Variants in FLT4 observed in about 807,000 individuals in gnomAD.
FLT4 encodes fms related receptor tyrosine kinase 4, also known as vascular endothelial growth factor receptor 3.
A neutral mutation model predicts 163.2 loss-of-function variants in FLT4; 30 were observed. The observed-to-expected ratio is 0.18, with a 90% confidence interval of 0.14 to 0.25. The LOEUF is 0.25. Among genes scored for constraint, FLT4 ranks in the 10% least tolerant of loss-of-function variants. FLT4 has a pLI of 1.00. For missense variants in FLT4, 1,510 were observed against 1,863.8 expected (o/e 0.81, Z 3.50); for synonymous variants, 884 against 789.5 (o/e 1.12, Z -2.01).
intron 29 of FLT4, among the ~76,000 whole-genome samples, chr5:180,604,667 GCTCA>G (rs1293464090): frequency 6.6e-6 from 1 of 152,126 alleles, no homozygotes; most frequent in East Asian, 1.9e-4. Flanking sequence ...ATCCTCAAGC[GCTCA>G]CTTTCTTTGC....
At chr5:180,622,554 G>A (rs1246556691) in intron 12 of FLT4, among the ~76,000 whole-genome samples, 177 bp downstream of exon 12, 1 of 152,142 alleles carries the variant, frequency 6.6e-6, no homozygotes, top group African/African-American at 2.4e-5. Context: ...TTCCATCCCA[G>A]TGCGCCAGCA....
intron 19 of FLT4, 37 bp downstream of exon 19, chr5:180,619,216 G>A (rs1323798078): frequency 2.7e-6 from 4 of 1,499,506 alleles, no homozygotes; most frequent in African/African-American, 1.4e-5. Context: ...CCCCGCGCCC[G>A]GGGTCTCGCC....
rs747401546 is a variant in FLT4, at chr5:180,624,059, C to T, written c.1424G>A (p.Arg475Gln). 2.7e-5 allele frequency: 44 copies of T among 1,611,756 alleles called. No individual in the cohort carries two copies. The highest frequency in any genetic ancestry group is 7.7e-5 in the South Asian group (7 of 91,082). The change falls in exon 11 of 30, where the codon CGG (arginine) becomes CAG (glutamine). Residue 475 changes from arginine (R) to glutamine (Q), a missense_variant and splice_region_variant. This residue lies in a region of FLT4 where 878 missense variants were observed against 1,016.7 expected (regional missense o/e 0.86). Coordinates refer to ENST00000261937, the MANE Select transcript of FLT4 (RefSeq NM_182925.5). ...PCKMFAQRSL[R>Q]RRQQQDLMPQ... ...CATGAGGTCTTGCTGCTGCCGCCGC[C>T]GGCTGCCAGGACCAGAAGAGGCAAG...
Position 180,630,586 on chromosome 5 carries a change from G to A in FLT4, c.369C>T (p.Thr123=), listed in dbSNP as rs1325850278. Reference sequence around the variant, plus strand: ...CGAACACGTAGGAGCTGGCGGCCGTGGTGCCCTCGATGCGTGCCTTGATGT... The same window carrying A: ...CGAACACGTAGGAGCTGGCGGCCGTAGTGCCCTCGATGCGTGCCTTGATGT... ...YKYIKARIEG[T]TAASSYVFVR... The change falls in exon 3 of 30, where the codon ACC becomes ACT. Residue 123 remains threonine (T), a synonymous_variant. Coordinates refer to ENST00000261937, the MANE Select transcript of FLT4 (RefSeq NM_182925.5). The surrounding 1 kb of genome is among the most constrained non-coding windows in gnomAD (Gnocchi z 6.3). 1 of 1,613,030 alleles carries A rather than the reference G, an allele frequency of 6.2e-7. No individual in the cohort carries two copies. The highest frequency in any genetic ancestry group is 1.7e-5 in the Admixed American group (1 of 60,028).
chr5:180,603,821 G>A (rs967987740), intron 29 of FLT4, among the ~76,000 whole-genome samples: 5 of 151,848 alleles, frequency 3.3e-5, no homozygotes, highest in African/African-American at 4.8e-5. Flanking sequence ...GGAGAATGGC[G>A]TGAACCCGGG....
intron 29 of FLT4, among the ~76,000 whole-genome samples, chr5:180,605,724 G>C (rs1385202801): frequency 6.6e-6 from 1 of 152,142 alleles, no homozygotes; most frequent in African/African-American, 2.4e-5. Flanking sequence ...TGCCACCAGG[G>C]GCCAGCTAGT....
chr5:180,625,804 G>A, intron 10 of FLT4, 65 bp downstream of exon 10: 3 of 1,488,512 alleles, frequency 2.0e-6, no homozygotes, highest in South Asian at 2.3e-5. Context: ...TGTAAAGGAG[G>A]TTCCTCATGG....
chr5:180,624,839 G>T (rs749783977), intron 10 of FLT4, among the ~76,000 whole-genome samples: 1 of 152,242 alleles, frequency 6.6e-6, no homozygotes, highest in Non-Finnish European at 1.5e-5. Flanking sequence ...GATTGGGGGG[G>T]TAGTCTCAGG....
At chr5:180,649,421 C>A (rs1324184003) in intron 1 of FLT4, 67 bp downstream of exon 1, 6 of 1,243,362 alleles carry the variant, frequency 4.8e-6, no homozygotes, top group Admixed American at 2.7e-5. Context: ...GCGCCCGCCC[C>A]AGGTGCGCGG....
chr5:180,604,985 G>A (rs1376944349), intron 29 of FLT4, among the ~76,000 whole-genome samples: 1 of 152,166 alleles, frequency 6.6e-6, no homozygotes, highest in East Asian at 1.9e-4. Context: ...CCCCAAAATG[G>A]GGGCTTGCTG....
In FLT4 at chr5:180,620,262, T is replaced by C. The variant is rs1269879325; in HGVS notation, c.2453A>G (p.Asp818Gly). 1.2e-6 allele frequency: 2 copies of C among 1,610,780 alleles called. No homozygotes were observed. Among genetic ancestry groups the C allele is most frequent in the Non-Finnish European group, 1.7e-6 (2 of 1,179,692 alleles). Reference protein sequence around the residue: ...IKTGYLSIIMDPGEVPLEEQC... With the variant: ...IKTGYLSIIMGPGEVPLEEQC... ...CTCCTCCAGAGGCACCTCCCCGGGG[T>C]CCATGATGATGGACAGGTAGCCCGT... The change falls in exon 17 of 30, where the codon GAC (aspartate) becomes GGC (glycine). Residue 818 changes from aspartate to glycine, a missense_variant. Physicochemically the swap from Asp to Gly is moderately conservative, Grantham distance 94. Coordinates refer to ENST00000261937, the MANE Select transcript of FLT4 (RefSeq NM_182925.5). This position sits in a 1 kb window ranked among gnomAD's most constrained non-coding sequence, Gnocchi z 4.4.
At chr5:180,634,489 T>G (rs924563301) in intron 1 of FLT4, among the ~76,000 whole-genome samples, 1 of 151,744 alleles carries the variant, frequency 6.6e-6, no homozygotes, top group Admixed American at 6.6e-5. Flanking sequence ...GGTCACAAGG[T>G]CAGGAGATTG....
intron 1 of FLT4, among the ~76,000 whole-genome samples, chr5:180,644,713 G>A (rs1765383395): frequency 6.6e-6 from 1 of 152,270 alleles, no homozygotes; most frequent in South Asian, 2.1e-4. Context: ...TTCACACGGA[G>A]GTGTGGCCCA....
intron 1 of FLT4, among the ~76,000 whole-genome samples, chr5:180,633,443 G>C (rs1246101228): frequency 1.5e-5 from 2 of 135,992 alleles, no homozygotes; most frequent in Non-Finnish European, 3.2e-5. Context: ...GAGGTGGAAG[G>C]GGGTTGTGGG....
intron 26 of FLT4, 190 bp from the exon 27 acceptor site, chr5:180,611,669 C>A: frequency 3.3e-6 from 2 of 605,906 alleles, no homozygotes; most frequent in Non-Finnish European, 5.8e-6. Context: ...ACTGCTTGGG[C>A]TCCTGACCCC....
chr5:180,605,930 G>T (rs1052649217), intron 29 of FLT4, among the ~76,000 whole-genome samples: 20 of 152,208 alleles, frequency 1.3e-4, no homozygotes, highest in Non-Finnish European at 2.8e-4. Flanking sequence ...GAACCCCCAT[G>T]GGGCGAGTGC....
intron 25 of FLT4, 119 bp downstream of exon 25, chr5:180,612,878 GTGTATCTTGAGGGT>G (rs774811488): frequency 8.3e-6 from 6 of 721,638 alleles, no homozygotes; most frequent in Admixed American, 2.1e-5. Flanking sequence ...CAGACTACCC[GTGTATCTTGAGGGT>G]GGTGCCCAGG....
At chr5:180,650,291 T>A (rs1765674020), upstream of FLT4, among the ~76,000 whole-genome samples, 1 of 147,934 alleles carries the variant, frequency 6.8e-6, no homozygotes, top group Admixed American at 6.7e-5. Flanking sequence ...ACCGACCCCC[T>A]CCCTGCAGGC....
chr5:180,607,898 T>C (rs1761888655), intron 29 of FLT4: 1 of 585,030 alleles, frequency 1.7e-6, no homozygotes, highest in South Asian at 2.1e-5. Context: ...TCTGTCACGC[T>C]GGCATAAGGG....
Sources: allele counts gnomAD v4.1 joint callset (sites outside exome capture counted in the v4.1 genomes callset), GRCh38; gene constraint gnomAD v4.1.1; regional missense constraint gnomAD v4.1.1; non-coding constraint Gnocchi (gnomAD v3.1); transcripts MANE v1.5; gene names NCBI Gene and HGNC (gene_info 2026-07-23, HGNC 2026-07-21).